EPB41L3: variants seen among roughly 807,000 people sequenced by gnomAD.
EPB41L3 encodes the protein erythrocyte membrane protein band 4.1 like 3, also known as band 4.1-like protein 3.
Under a neutral mutation model 127.1 loss-of-function variants are expected in EPB41L3, and 57 were observed. The ratio of observed to expected loss-of-function variants is 0.45; its 90% CI spans 0.36 to 0.56. EPB41L3 has a LOEUF of 0.56. EPB41L3 is among the 20% of genes least tolerant of loss of function. EPB41L3 has a pLI of 0.00. For missense variants in EPB41L3, 1,273 were observed against 1,372.2 expected (o/e 0.93, Z 1.14); for synonymous variants, 572 against 549.5 (o/e 1.04, Z -0.57).
intron 3 of EPB41L3, among the ~76,000 whole-genome samples, chr18:5,606,717 T>C (rs140267968): frequency 1.1e-3 from 170 of 152,296 alleles, no homozygotes; most frequent in South Asian, 2.7e-3. Flanking sequence ...TTAGTAAAAT[T>C]ACTAGACAAA....
intron 3 of EPB41L3, among the ~76,000 whole-genome samples, chr18:5,477,868 A>T (rs539762748): frequency 1.9e-4 from 29 of 152,312 alleles, no homozygotes; most frequent in African/African-American, 6.5e-4. Context: ...GTTTTCTACC[A>T]AGTAACAAGT....
At position 5,505,686 on chromosome 18, in the gene EPB41L3, C is replaced by T. The variant is rs576609994; in HGVS notation, c.-11-16492G>A. Among the ~76,000 whole-genome samples the T allele has an allele frequency of 6.7e-4, 97 of 145,320 alleles. 2 individuals are homozygous for T. The highest frequency in any genetic ancestry group is 2.1e-4 in the Non-Finnish European group (14 of 66,042). Reference sequence around the variant, plus strand: ...TCACCTCCACCCCTACTCTCCACTCCTTCACCTCCACCCCTTCCCTCCACA... The same window carrying T: ...TCACCTCCACCCCTACTCTCCACTCTTTCACCTCCACCCCTTCCCTCCACA... On this transcript the variant is annotated intron_variant, in intron 1 of 22. Coordinates refer to ENST00000341928, the MANE Select transcript of EPB41L3 (RefSeq NM_012307.5).
chr18:5,489,897 ATCTC>A (rs1357774727), intron 1 of EPB41L3, among the ~76,000 whole-genome samples: 1 of 152,172 alleles, frequency 6.6e-6, no homozygotes. Flanking sequence ...TTTATCTCAT[ATCTC>A]ATAGGGAACT....
At position 5,445,133 on chromosome 18, in the gene EPB41L3, C is replaced by A; in HGVS notation, c.486+7G>T. ...CATCTTATTTTGCATTGCTTTTGAT[C>A]ACTCACCTTCTGGTTTTCAGCATCT... On this transcript the variant is annotated splice_region_variant and intron_variant, in intron 4 of 22. Coordinates refer to ENST00000341928, the MANE Select transcript of EPB41L3 (RefSeq NM_012307.5). 1 of 1,610,798 alleles carries A rather than the reference C, an allele frequency of 6.2e-7. No homozygotes were observed. Among genetic ancestry groups the A allele is most frequent in the South Asian group, 1.1e-5 (1 of 90,942 alleles).
chr18:5,429,621 T>A (rs2078702148), intron 8 of EPB41L3, among the ~76,000 whole-genome samples: 1 of 152,190 alleles, frequency 6.6e-6, no homozygotes, highest in Non-Finnish European at 1.5e-5. Flanking sequence ...CTGGTCCATC[T>A]CTGGGACATG....
intron 3 of EPB41L3, among the ~76,000 whole-genome samples, chr18:5,468,190 A>T (rs1033846598): frequency 5.3e-5 from 8 of 152,172 alleles, no homozygotes; most frequent in Non-Finnish European, 1.2e-4. Flanking sequence ...GGGGACACTG[A>T]GGGCAGCTTG....
chr18:5,616,623 C>G (rs2094798082), intron 1 of EPB41L3, among the ~76,000 whole-genome samples: 1 of 152,150 alleles, frequency 6.6e-6, no homozygotes, highest in Non-Finnish European at 1.5e-5. Context: ...TGAACTCTCA[C>G]TTAACAATGA....
chr18:5,517,985 C>G (rs1316773180), intron 1 of EPB41L3, among the ~76,000 whole-genome samples: 1 of 152,122 alleles, frequency 6.6e-6, no homozygotes, highest in Non-Finnish European at 1.5e-5. Flanking sequence ...GGCGTCCTGG[C>G]TCTAGATATT....
At chr18:5,457,696 T>TGA (rs1568262898) in intron 3 of EPB41L3, among the ~76,000 whole-genome samples, 1 of 152,092 alleles carries the variant, frequency 6.6e-6, no homozygotes, top group Non-Finnish European at 1.5e-5. Context: ...CAGGCTTGCC[T>TGA]GCCTCTGTGA....
At chr18:5,436,403 CTTTTT>C (rs34862547) in intron 6 of EPB41L3, among the ~76,000 whole-genome samples, 2 of 100,646 alleles carry the variant, frequency 2.0e-5, no homozygotes, top group African/African-American at 6.8e-5. Context: ...CATTTTCTTT[CTTTTT>C]TTTTTTTTTT....
intron 3 of EPB41L3, among the ~76,000 whole-genome samples, chr18:5,555,536 T>G (rs1298294153): frequency 6.6e-6 from 1 of 151,976 alleles, no homozygotes; most frequent in African/African-American, 2.4e-5. Context: ...AAACCACAAA[T>G]CCCCAGTCAT....
In EPB41L3 at chr18:5,583,010, T is replaced by A. The variant is rs1310498694; in HGVS notation, c.-306+29330A>T. 2.0e-5 allele frequency among the ~76,000 whole-genome samples: 3 copies of A among 152,156 alleles called. No individual in the cohort carries two copies. In the East Asian group the frequency reaches 5.8e-4, roughly 29 times the overall value. ...GACCCTGCGGATGAATCAGCCCTCA[T>A]CACTGTGGGGGAAAAGTTGGTGAAA... On this transcript the variant is annotated intron_variant, in intron 3 of 21. Transcript: ENST00000545076.
At chr18:5,412,606 A>AGCT (rs1407593756) in intron 13 of EPB41L3, among the ~76,000 whole-genome samples, 1 of 152,134 alleles carries the variant, frequency 6.6e-6, no homozygotes, top group Non-Finnish European at 1.5e-5. Flanking sequence ...CCTCCTATTT[A>AGCT]GCTTATTTCC....
chr18:5,467,513 A>C (rs2085214507), intron 3 of EPB41L3: 1 of 152,232 alleles, frequency 6.6e-6, no homozygotes, highest in Non-Finnish European at 1.5e-5. Flanking sequence ...CTGCAGATGC[A>C]CTTCAAGATT....
intron 1 of EPB41L3, among the ~76,000 whole-genome samples, chr18:5,510,553 A>G (rs2092459633): frequency 6.6e-6 from 1 of 152,226 alleles, no homozygotes; most frequent in Non-Finnish European, 1.5e-5. Flanking sequence ...TCAGCAGTGA[A>G]GGTCAGTGGG....
intron 1 of EPB41L3, among the ~76,000 whole-genome samples, chr18:5,622,287 G>T (rs555940255): frequency 6.6e-6 from 1 of 152,156 alleles, no homozygotes; most frequent in African/African-American, 2.4e-5. Context: ...TGGTACACTT[G>T]TTTGGGCACT....
chr18:5,624,749 G>A (rs1046750522), intron 1 of EPB41L3, among the ~76,000 whole-genome samples: 1 of 152,140 alleles, frequency 6.6e-6, no homozygotes, highest in Non-Finnish European at 1.5e-5. Context: ...AAACTTACTG[G>A]GGAATACAAA....
At chr18:5,572,087 T>C (rs570857447) in intron 3 of EPB41L3, among the ~76,000 whole-genome samples, 1 of 152,304 alleles carries the variant, frequency 6.6e-6, no homozygotes, top group Admixed American at 6.5e-5. Context: ...ACCAGTAGGC[T>C]TGGGAGTCTC....
chr18:5,630,451 G>GA (rs951108873), upstream of EPB41L3: 3 of 518,960 alleles, frequency 5.8e-6, no homozygotes, highest in South Asian at 1.4e-5. Context: ...CTTCCTTGGA[G>GA]AAAAAAAGTA....
Sources: allele counts gnomAD v4.1 joint callset (sites outside exome capture counted in the v4.1 genomes callset), GRCh38; gene constraint gnomAD v4.1.1; transcripts MANE v1.5; gene names NCBI Gene and HGNC (gene_info 2026-07-23, HGNC 2026-07-21).